COL18A1: variants seen among roughly 807,000 people sequenced by gnomAD.
COL18A1 encodes collagen type XVIII alpha 1 chain, also known as collagen alpha-1(XVIII) chain.
A neutral mutation model predicts 168.0 loss-of-function variants in COL18A1; 133 were observed. The observed-to-expected ratio is 0.79, with a 90% CI of 0.69 to 0.91. COL18A1 has a LOEUF of 0.91. COL18A1 is among the 40% of genes least tolerant of loss of function. The pLI, the probability that COL18A1 is intolerant of heterozygous loss-of-function variation, is 0.00. For missense variants in COL18A1, 2,126 were observed against 1,925.4 expected, an observed-to-expected ratio of 1.10 and a Z score of -1.95; for synonymous variants, 949 against 809.0, an observed-to-expected ratio of 1.17 and a Z score of -2.94.
intron 2 of COL18A1, among the ~76,000 whole-genome samples, chr21:45,411,606 T>A (rs1476608130): frequency 6.6e-6 from 1 of 151,432 alleles, no homozygotes; most frequent in Admixed American, 6.6e-5. Flanking sequence ...GGGAACAGCG[T>A]GCCCTTATCG....
At position 45,511,149 on chromosome 21, in the gene COL18A1, A is replaced by T; in HGVS notation, c.3732A>T (p.Ser1244=). ...TTCCCAGCTGGGAGGCTCTGTTCTC[A>T]GGCTCTGAGGGTCCGCTGAAGCCCG... ...LLFPSWEALF[S]GSEGPLKPGA... The change falls in exon 41 of 42, where the codon TCA becomes TCT. Residue 1244 remains serine, a synonymous_variant. Coordinates refer to ENST00000651438, the MANE Select transcript of COL18A1 (RefSeq NM_001379500.1). 6.3e-7 allele frequency: 1 copy of T among 1,595,308 alleles called. No individual in the cohort carries two copies. The highest frequency in any genetic ancestry group is 1.1e-5 in the South Asian group (1 of 88,278).
chr21:45,487,109 A>T (rs1027582202), intron 16 of COL18A1, 117 bp downstream of exon 16: 1 of 1,030,942 alleles, frequency 9.7e-7, no homozygotes, highest in African/African-American at 1.6e-5. Context: ...CCTTGCTGGC[A>T]CTGCCTCATC....
intron 2 of COL18A1, among the ~76,000 whole-genome samples, chr21:45,454,638 G>A (rs977583649): frequency 6.6e-6 from 1 of 152,224 alleles, no homozygotes. Context: ...GAAATGGGCC[G>A]ATGGCCAGGC....
At chr21:45,468,201 G>T (rs376641421) in intron 2 of COL18A1, 41 bp from the exon 3 acceptor site, 1 of 1,610,908 alleles carries the variant, frequency 6.2e-7, no homozygotes, top group Non-Finnish European at 8.5e-7. Context: ...CCCTGGTTCC[G>T]TCCTGCACAG....
At chr21:45,506,113 G>A in intron 37 of COL18A1, 147 bp downstream of exon 37, 1 of 1,284,064 alleles carries the variant, frequency 7.8e-7, no homozygotes, top group South Asian at 1.2e-5. Context: ...TTTTGGTAAA[G>A]TTTAGTAAAA....
At chr21:45,413,761 T>C (rs979615081) in intron 2 of COL18A1, among the ~76,000 whole-genome samples, 93 of 97,138 alleles carry the variant, frequency 9.6e-4, no homozygotes, top group African/African-American at 3.5e-3. Flanking sequence ...CCGCCAGCCA[T>C]GCCCAGCACT....
Position 45,512,626 on chromosome 21 carries a change from C to T in COL18A1, c.*228C>T, listed in dbSNP as rs1035485159. 1 of 590,700 alleles carries T rather than the reference C, an allele frequency of 1.7e-6. No individual in the cohort carries two copies. Among genetic ancestry groups the T allele is most frequent in the African/African-American group, 1.9e-5 (1 of 53,528 alleles). The allele number at this position is 590,700 out of a possible 1,614,324, so 36.6% of individuals were successfully genotyped here. On this transcript the variant is annotated 3_prime_UTR_variant, in exon 42 of 42. Coordinates refer to ENST00000651438, the MANE Select transcript of COL18A1 (RefSeq NM_001379500.1). Reference sequence around the variant, plus strand: ...CTGACATTCACCTGCCCCAACTCTCCCCTGACCTGTGAGCCCAGCTGGGTC... The same window carrying T: ...CTGACATTCACCTGCCCCAACTCTCTCCTGACCTGTGAGCCCAGCTGGGTC...
At chr21:45,488,585 T>TA in intron 18 of COL18A1, 141 bp downstream of exon 18, 1 of 1,233,104 alleles carries the variant, frequency 8.1e-7, no homozygotes, top group Non-Finnish European at 1.2e-6. Flanking sequence ...GTTTGCAAAA[T>TA]ACAGCAAAAA....
intron 2 of COL18A1, among the ~76,000 whole-genome samples, chr21:45,465,344 CG>C (rs111365570): frequency 0.029 from 4,444 of 152,272 alleles, 233 homozygotes; most frequent in African/African-American, 0.1. Context: ...AGTCTCCACC[CG>C]GGGACAGGGG....
intron 9 of COL18A1, 104 bp downstream of exon 9, chr21:45,478,457 A>T (rs1481737339): frequency 2.1e-6 from 3 of 1,461,372 alleles, no homozygotes; most frequent in Non-Finnish European, 2.9e-6. Context: ...CCCAGTGAGG[A>T]GACTGTACAG....
At chr21:45,475,583 G>A in intron 5 of COL18A1, 48 bp downstream of exon 5, 1 of 1,526,786 alleles carries the variant, frequency 6.5e-7, no homozygotes, top group Non-Finnish European at 9.0e-7. Flanking sequence ...TCCCGGGAGA[G>A]CCCCTCCCAG....
chr21:45,506,032 G>C, intron 37 of COL18A1, 66 bp downstream of exon 37: 4 of 1,610,096 alleles, frequency 2.5e-6, no homozygotes, highest in East Asian at 2.2e-5. Flanking sequence ...GGGGCTTAAG[G>C]AAGGCGAGAG....
chr21:45,487,174 C>A (rs930301152), intron 16 of COL18A1, among the ~76,000 whole-genome samples, 182 bp downstream of exon 16: 1 of 152,220 alleles, frequency 6.6e-6, no homozygotes, highest in African/African-American at 2.4e-5. Flanking sequence ...GTCGCCCGTG[C>A]CCCACGGTGC....
intron 2 of COL18A1, among the ~76,000 whole-genome samples, chr21:45,436,364 C>T (rs1310675478): frequency 2.0e-5 from 3 of 152,184 alleles, no homozygotes; most frequent in Non-Finnish European, 4.4e-5. Context: ...CAGAAGCCTG[C>T]GTGAGCTGGG....
chr21:45,431,930 C>T (rs2033974399), intron 2 of COL18A1, among the ~76,000 whole-genome samples: 1 of 152,126 alleles, frequency 6.6e-6, no homozygotes, highest in Non-Finnish European at 1.5e-5. Flanking sequence ...ACTTGCTGCC[C>T]TGGTGACGGC....
At chr21:45,509,963 C>G in intron 39 of COL18A1, 101 bp from the exon 40 acceptor site, 4 of 1,359,246 alleles carry the variant, frequency 2.9e-6, no homozygotes, top group Non-Finnish European at 3.0e-6. Flanking sequence ...GCCCCTCGGC[C>G]GTGCCTGTCC....
At chr21:45,485,202 T>C (rs1333073004) in intron 15 of COL18A1, among the ~76,000 whole-genome samples, 1 of 139,332 alleles carries the variant, frequency 7.2e-6, no homozygotes, top group African/African-American at 2.7e-5. Context: ...GGTTTCGTCA[T>C]GATGGCCAGG....
At chr21:45,501,818 C>T (rs71324429) in intron 32 of COL18A1, among the ~76,000 whole-genome samples, 24 of 42,700 alleles carry the variant, frequency 5.6e-4, no homozygotes, top group African/African-American at 1.2e-3. Context: ...AGAAGGACCC[C>T]CAGGGGCTCC....
At chr21:45,447,895 G>GC (rs1161387740) in intron 2 of COL18A1, among the ~76,000 whole-genome samples, 1 of 152,072 alleles carries the variant, frequency 6.6e-6, no homozygotes, top group South Asian at 2.1e-4. Flanking sequence ...CCACCCATTG[G>GC]CCCCCCTTGC....
Sources: gnomAD v4.1 joint callset for allele counts (sites outside exome capture counted in the v4.1 genomes callset) on GRCh38, gnomAD v4.1.1 for gene constraint, MANE v1.5 for transcripts, NCBI Gene and HGNC (gene_info 2026-07-23, HGNC 2026-07-21) for gene names.